Variants in CPNE8 observed in about 807,000 individuals in gnomAD.
CPNE8 encodes the protein copine-8.
CPNE8 carries 45 observed loss-of-function variants against 81.5 expected under a neutral mutation model. The ratio of observed to expected loss-of-function variants is 0.55; its 90% CI spans 0.44 to 0.71. The LOEUF (loss-of-function observed/expected upper bound fraction) is 0.71, where lower values mean the gene tolerates loss of function less well. Ranked by LOEUF, CPNE8 falls within the 30% of genes least tolerant of loss-of-function variation. The probability of loss-of-function intolerance (pLI) is 0.00; values close to 1 mark genes in which losing one functional copy is unlikely to be tolerated. For synonymous variants in CPNE8, 252 were observed against 226.3 expected (o/e 1.11, Z -1.02); for missense variants, 594 against 672.1 (o/e 0.88, Z 1.28).
intron 6 of CPNE8, among the ~76,000 whole-genome samples, chr12:38,790,455 A>T (rs998899675): frequency 2.0e-5 from 3 of 151,684 alleles, no homozygotes; most frequent in Non-Finnish European, 3.0e-5. Context: ...GAAGGGTAGT[A>T]GGTGCTTGGG....
chr12:38,711,664 T>A (rs747206444), intron 13 of CPNE8, among the ~76,000 whole-genome samples: 15 of 152,030 alleles, frequency 9.9e-5, no homozygotes, highest in Non-Finnish European at 1.6e-4. Flanking sequence ...AGACGGAGTT[T>A]CACCATGTTG....
At chr12:38,817,517 C>A (rs894464881) in intron 6 of CPNE8, among the ~76,000 whole-genome samples, 20 of 151,414 alleles carry the variant, frequency 1.3e-4, no homozygotes, top group Non-Finnish European at 2.9e-4. Context: ...GCTCTTCTTG[C>A]ATCTAGAGAT....
chr12:38,829,385 G>C lies in CPNE8; in HGVS notation c.401C>G (p.Pro134Arg). The C allele has an allele frequency of 3.1e-6, 5 of 1,605,312 alleles. No homozygotes were observed. The South Asian group carries it at 4.4e-5, about 14-fold the overall frequency. Residue 134 changes from proline (P) to arginine (R), a missense_variant, in exon 6 of 20, where the codon CCA becomes CGA. Physicochemically the swap from Pro to Arg is moderately radical, Grantham distance 103. Transcript: ENST00000331366. Reference protein sequence around the residue: ...VGSQGSRLEKPIVGIPGKKCG... With the variant: ...VGSQGSRLEKRIVGIPGKKCG... ...TGAATTAAAAAATACTTACACTATT[G>C]GTTTTTCCAGGCGACTTCCCTGTGA...
At chr12:38,671,333 TAAC>T (rs1939171554) in intron 18 of CPNE8, among the ~76,000 whole-genome samples, 1 of 152,058 alleles carries the variant, frequency 6.6e-6, no homozygotes, top group South Asian at 2.1e-4. Context: ...CAAATAGATT[TAAC>T]AACAGAGGCA....
intron 6 of CPNE8, among the ~76,000 whole-genome samples, chr12:38,794,426 T>C (rs1274854476): frequency 2.0e-5 from 3 of 152,058 alleles, no homozygotes; most frequent in Admixed American, 6.6e-5. Flanking sequence ...ATATATCCAA[T>C]AGAGAGTTAA....
intron 14 of CPNE8, among the ~76,000 whole-genome samples, chr12:38,699,571 T>G (rs559289766): frequency 5.9e-5 from 9 of 152,250 alleles, no homozygotes; most frequent in African/African-American, 1.7e-4. Flanking sequence ...CCTTCCTTCC[T>G]TCTTTCCTTC....
At chr12:38,670,100 C>A (rs1484834135) in intron 19 of CPNE8, among the ~76,000 whole-genome samples, 1 of 152,154 alleles carries the variant, frequency 6.6e-6, no homozygotes, top group Non-Finnish European at 1.5e-5. Context: ...TTAATTCTTA[C>A]AATCACAAAT....
chr12:38,880,547 C>T (rs921857484), intron 1 of CPNE8, among the ~76,000 whole-genome samples: 15 of 152,146 alleles, frequency 9.9e-5, no homozygotes, highest in Non-Finnish European at 2.1e-4. Context: ...CACTGAGCCC[C>T]GTGTCACTGA....
chr12:38,769,541 A>T (rs1272235627), intron 7 of CPNE8, among the ~76,000 whole-genome samples: 1 of 152,154 alleles, frequency 6.6e-6, no homozygotes, highest in Non-Finnish European at 1.5e-5. Context: ...TTCCATATAT[A>T]TTTAAATGCC....
At chr12:38,902,362 A>AAG (rs1555172147) in intron 1 of CPNE8, among the ~76,000 whole-genome samples, 69 of 95,196 alleles carry the variant, frequency 7.2e-4, no homozygotes, top group African/African-American at 1.4e-3. Context: ...GAAAGAAAGA[A>AAG]AGAAAGAAAG....
chr12:38,874,232 TAATTTC>T (rs1271679823), intron 2 of CPNE8, among the ~76,000 whole-genome samples: 2 of 152,208 alleles, frequency 1.3e-5, no homozygotes, highest in Non-Finnish European at 2.9e-5. Context: ...TACGAGGTTT[TAATTTC>T]AAAGTGAACT....
intron 14 of CPNE8, among the ~76,000 whole-genome samples, chr12:38,699,809 A>ATAAT (rs2136684642): frequency 6.6e-6 from 1 of 152,316 alleles, no homozygotes; most frequent in East Asian, 1.9e-4. Context: ...ATTCGTAAGT[A>ATAAT]TAATATTCCT....
intron 1 of CPNE8, among the ~76,000 whole-genome samples, chr12:38,901,054 C>A (rs1347071499): frequency 2.0e-5 from 3 of 152,122 alleles, no homozygotes; most frequent in Non-Finnish European, 4.4e-5. Context: ...AATCCCATCT[C>A]TACTAAAAAT....
intron 6 of CPNE8, among the ~76,000 whole-genome samples, chr12:38,797,856 G>A (rs1268849090): frequency 6.6e-6 from 1 of 152,124 alleles, no homozygotes; most frequent in Non-Finnish European, 1.5e-5. Context: ...GTGCTTAAAG[G>A]AGCTGATGGA....
At chr12:38,883,600 G>A (rs906372177) in intron 1 of CPNE8, among the ~76,000 whole-genome samples, 16 of 152,164 alleles carry the variant, frequency 1.1e-4, no homozygotes, top group African/African-American at 3.9e-4. Context: ...CAACTAGGCT[G>A]TTTAGTAGTG....
intron 10 of CPNE8, among the ~76,000 whole-genome samples, chr12:38,755,829 A>G (rs1003745202): frequency 6.6e-6 from 1 of 151,862 alleles, no homozygotes; most frequent in Admixed American, 6.6e-5. Flanking sequence ...TCACGAAGTC[A>G]GGAGATCGAG....
intron 10 of CPNE8, among the ~76,000 whole-genome samples, chr12:38,739,051 G>A (rs1357335204): frequency 6.6e-6 from 1 of 152,086 alleles, no homozygotes; most frequent in African/African-American, 2.4e-5. Context: ...AGGCTCAAGA[G>A]ATCGCCTGCC....
intron 6 of CPNE8, among the ~76,000 whole-genome samples, chr12:38,793,734 A>C (rs545701011): frequency 6.6e-6 from 1 of 152,162 alleles, no homozygotes; most frequent in Admixed American, 6.5e-5. Context: ...TCTATAATTC[A>C]TATAGAACCT....
At chr12:38,760,429 T>G (rs1941547718) in intron 10 of CPNE8, among the ~76,000 whole-genome samples, 1 of 43,618 alleles carries the variant, frequency 2.3e-5, no homozygotes, top group Non-Finnish European at 3.8e-5. Context: ...TTTTGTTGTA[T>G]GGTGTGTATA....
Sources: gnomAD v4.1 joint callset for allele counts (sites outside exome capture counted in the v4.1 genomes callset) on GRCh38, gnomAD v4.1.1 for gene constraint, MANE v1.5 for transcripts, NCBI Gene and HGNC (gene_info 2026-07-23, HGNC 2026-07-21) for gene names.